Variants in TNFSF13B observed in about 807,000 individuals in gnomAD.
TNFSF13B encodes the protein tumor necrosis factor ligand superfamily member 13B.
Under a neutral mutation model 29.1 loss-of-function variants are expected in TNFSF13B, and 8 were observed. The observed-to-expected ratio is 0.27, with a 90% CI of 0.16 to 0.50. TNFSF13B has a LOEUF of 0.50. Ranked by LOEUF, TNFSF13B falls within the 20% of genes least tolerant of loss-of-function variation. The pLI is 0.98. For missense variants in TNFSF13B, 248 were observed against 334.9 expected (o/e 0.74, Z 2.03); for synonymous variants, 125 against 130.8 (o/e 0.96, Z 0.30).
In TNFSF13B at chr13:108,270,107, C is replaced by T; in HGVS notation, c.212C>T (p.Ala71Val). ...GTGGTGTCTTTCTACCAGGTGGCCG[C>T]CCTGCAAGGGGACCTGGCCAGCCTC... ...LTVVSFYQVA[A>V]LQGDLASLRA... is the part of the protein sequence containing the mutation. Residue 71 changes from alanine (A) to valine (V), a missense_variant, in exon 1 of 6, where the codon GCC becomes GTC. Around this residue, in one of 2 missense-constraint regions of TNFSF13B, gnomAD observed 186 missense variants for 196.3 expected, o/e 0.95. Coordinates refer to ENST00000375887, the MANE Select transcript of TNFSF13B (RefSeq NM_006573.5). 6.2e-7 allele frequency: 1 copy of T among 1,603,358 alleles called. No homozygotes were observed. The highest frequency in any genetic ancestry group is 1.1e-5 in the South Asian group (1 of 91,070).
chr13:108,307,015 CCAAAAA>C lies in TNFSF13B; in HGVS notation c.*78_*83del, dbSNP rs1566411205. On this transcript the variant is annotated 3_prime_UTR_variant, in exon 6 of 6. Coordinates refer to ENST00000375887, the MANE Select transcript of TNFSF13B (RefSeq NM_006573.5). ...AGAAGAAAGAATCTAACTGAAAATACCAAAAAAAAAAAAAAAAAAAAAAAAAAAAAA... is the reference window on the plus strand; with the variant it reads ...AGAAGAAAGAATCTAACTGAAAATACAAAAAAAAAAAAAAAAAAAAAAAAA... The C allele has an allele frequency of 3.2e-4, 7 of 21,648 alleles. No individual in the cohort carries two copies. Among genetic ancestry groups the C allele is most frequent in the South Asian group, 2.1e-3 (3 of 1,460 alleles). The allele number at this position is 21,648 out of a possible 1,614,324, so 1.3% of individuals were successfully genotyped here.
chr13:108,272,339 T>A (rs1247136238), intron 2 of TNFSF13B, among the ~76,000 whole-genome samples: 1 of 152,112 alleles, frequency 6.6e-6, no homozygotes, highest in Non-Finnish European at 1.5e-5. Flanking sequence ...TTTTGCTTCT[T>A]TTTTTACTTG....
chr13:108,279,643 G>A (rs1208852290), intron 2 of TNFSF13B, among the ~76,000 whole-genome samples: 2 of 152,160 alleles, frequency 1.3e-5, no homozygotes, highest in Non-Finnish European at 2.9e-5. Context: ...GTAAGCATTA[G>A]AATGAGAAGA....
At chr13:108,306,641 T>A (rs568863313) in intron 5 of TNFSF13B, among the ~76,000 whole-genome samples, 185 bp from the exon 6 acceptor site, 53 of 152,138 alleles carry the variant, frequency 3.5e-4, no homozygotes, top group Admixed American at 7.9e-4. Context: ...CTCCTTTTGC[T>A]TATTTCTTCT....
At chr13:108,293,260 A>G (rs1294368177) in intron 3 of TNFSF13B, among the ~76,000 whole-genome samples, 1 of 152,140 alleles carries the variant, frequency 6.6e-6, no homozygotes, top group Non-Finnish European at 1.5e-5. Context: ...CTGTACTCTC[A>G]AATTTATTTT....
At chr13:108,278,568 A>G (rs1199932141) in intron 2 of TNFSF13B, among the ~76,000 whole-genome samples, 1 of 5,414 alleles carries the variant, frequency 1.8e-4, no homozygotes, top group East Asian at 5.6e-3. Context: ...CTTTCTTCCT[A>G]CCCCCTCCTC....
chr13:108,282,266 T>C (rs1880979070), intron 2 of TNFSF13B, among the ~76,000 whole-genome samples: 1 of 152,192 alleles, frequency 6.6e-6, no homozygotes, highest in African/African-American at 2.4e-5. Flanking sequence ...TGTAATGTTT[T>C]TCATGGGAGA....
At chr13:108,277,452 C>G (rs1594517501) in intron 2 of TNFSF13B, among the ~76,000 whole-genome samples, 2 of 152,078 alleles carry the variant, frequency 1.3e-5, no homozygotes, top group East Asian at 3.9e-4. Context: ...TCGGGGGTTT[C>G]TGTACTATAT....
intron 2 of TNFSF13B, among the ~76,000 whole-genome samples, chr13:108,281,435 T>C (rs1310033923): frequency 6.6e-6 from 1 of 152,186 alleles, no homozygotes. Flanking sequence ...TTAAAAACTA[T>C]TGGTCACGAC....
chr13:108,274,421 A>G (rs1422635281), intron 2 of TNFSF13B, among the ~76,000 whole-genome samples: 1 of 150,120 alleles, frequency 6.7e-6, no homozygotes, highest in Non-Finnish European at 1.5e-5. Flanking sequence ...TGTTATGTGT[A>G]TATATTCAAA....
At chr13:108,287,317 T>C (rs1305983484) in intron 3 of TNFSF13B, among the ~76,000 whole-genome samples, 2 of 152,156 alleles carry the variant, frequency 1.3e-5, no homozygotes, top group African/African-American at 2.4e-5. Context: ...TAGAATTCAG[T>C]CCACTCCAAA....
At chr13:108,272,869 G>T (rs1457871584) in intron 2 of TNFSF13B, among the ~76,000 whole-genome samples, 3 of 151,792 alleles carry the variant, frequency 2.0e-5, no homozygotes, top group African/African-American at 7.3e-5. Context: ...TAAAAAAAAA[G>T]ATGTAGACTC....
intron 2 of TNFSF13B, among the ~76,000 whole-genome samples, chr13:108,279,938 C>A (rs1376993939): frequency 1.3e-5 from 2 of 151,986 alleles, no homozygotes; most frequent in African/African-American, 4.8e-5. Flanking sequence ...AGAAGCCTTC[C>A]TGATTGGATC....
chr13:108,281,173 C>T (rs1328504821), intron 2 of TNFSF13B, among the ~76,000 whole-genome samples: 5 of 151,754 alleles, frequency 3.3e-5, no homozygotes, highest in East Asian at 1.9e-4. Context: ...CCTGGGAGGC[C>T]GAGTTTGCAA....
intron 2 of TNFSF13B, among the ~76,000 whole-genome samples, chr13:108,284,923 A>T (rs1017359789): frequency 2.0e-5 from 3 of 152,178 alleles, no homozygotes; most frequent in African/African-American, 7.2e-5. Context: ...AGGCTTTGTT[A>T]TTCCTTTCTT....
At chr13:108,296,724 TA>T (rs1436428112) in intron 3 of TNFSF13B, among the ~76,000 whole-genome samples, 1 of 145,668 alleles carries the variant, frequency 6.9e-6, no homozygotes, top group East Asian at 1.9e-4. Flanking sequence ...TAGACTTTTA[TA>T]AGTACATCAT....
At chr13:108,303,752 C>A in intron 5 of TNFSF13B, 148 bp downstream of exon 5, 1 of 811,042 alleles carries the variant, frequency 1.2e-6, no homozygotes, top group Non-Finnish European at 1.9e-6. Flanking sequence ...TTTTTTAAAT[C>A]TTGAATAATA....
At chr13:108,277,648 G>T (rs895955884) in intron 2 of TNFSF13B, among the ~76,000 whole-genome samples, 1 of 152,192 alleles carries the variant, frequency 6.6e-6, no homozygotes, top group South Asian at 2.1e-4. Context: ...AGCCCTCAGG[G>T]CTGCTAGTTG....
chr13:108,280,280 A>G (rs1055598823), intron 2 of TNFSF13B, among the ~76,000 whole-genome samples: 2 of 152,178 alleles, frequency 1.3e-5, no homozygotes, highest in Admixed American at 6.5e-5. Context: ...TGGGCAACTC[A>G]GAGGATAGTT....
Sources: gnomAD v4.1 joint callset for allele counts (sites outside exome capture counted in the v4.1 genomes callset) on GRCh38, gnomAD v4.1.1 for gene constraint, gnomAD v4.1.1 regional missense constraint, MANE v1.5 for transcripts, NCBI Gene and HGNC (gene_info 2026-07-23, HGNC 2026-07-21) for gene names.